DPYSL4: variants seen among roughly 807,000 people sequenced by gnomAD.
DPYSL4 encodes dihydropyrimidinase like 4.
Under a neutral mutation model 63.4 loss-of-function variants are expected in DPYSL4, and 43 were observed. That is an observed-to-expected ratio of 0.68 (90% CI 0.53 to 0.88). The LOEUF (loss-of-function observed/expected upper bound fraction) is 0.88, where lower values mean the gene tolerates loss of function less well. DPYSL4 is among the 40% of genes least tolerant of loss of function. The probability of loss-of-function intolerance (pLI) is 0.00; values close to 1 mark genes in which losing one functional copy is unlikely to be tolerated. For missense variants in DPYSL4, 733 were observed against 819.5 expected (o/e 0.89, Z 1.29); for synonymous variants, 353 against 331.7 (o/e 1.06, Z -0.70).
chr10:132,197,436 C>T (rs943994939), intron 6 of DPYSL4, among the ~76,000 whole-genome samples: 2 of 152,238 alleles, frequency 1.3e-5, no homozygotes, highest in Non-Finnish European at 1.5e-5. Context: ...GTTGGGTTAC[C>T]ACCTTCCTTC....
intron 6 of DPYSL4, among the ~76,000 whole-genome samples, chr10:132,197,844 A>C (rs1316004441): frequency 2.0e-5 from 3 of 152,204 alleles, no homozygotes; most frequent in African/African-American, 7.2e-5. Context: ...TCGGGGCATC[A>C]CAAACACTTC....
At position 132,198,425 on chromosome 10, in the gene DPYSL4, G is replaced by T. The variant is rs1203413158; in HGVS notation, c.632G>T (p.Arg211Leu). 2 of 1,606,468 alleles carry T rather than the reference G, an allele frequency of 1.2e-6. No homozygotes were observed. Among genetic ancestry groups the T allele is most frequent in the South Asian group, 1.1e-5 (1 of 89,420 alleles). Residue 211 changes from arginine to leucine, a missense_variant, in exon 7 of 14, where the codon CGG becomes CTG. Physicochemically the swap from Arg to Leu is moderately radical, Grantham distance 102. Transcript: ENST00000338492. ...TGTTGGTTTCTTTAGGAGCAGAAGCGGTTGCTGGAGCTCGGCATCACTGGC... is the reference window on the plus strand; with the variant it reads ...TGTTGGTTTCTTTAGGAGCAGAAGCTGTTGCTGGAGCTCGGCATCACTGGC... ...NGDIVEEEQK[R>L]LLELGITGPE...
chr10:132,187,127 GCGC>G, intron 1 of DPYSL4, 25 bp downstream of exon 1: 1 of 1,511,618 alleles, frequency 6.6e-7, no homozygotes, highest in South Asian at 1.2e-5. Flanking sequence ...GCTTCGCCCG[GCGC>G]CCCCTGCCCG....
chr10:132,191,758 A>C (rs550614282), intron 2 of DPYSL4, among the ~76,000 whole-genome samples: 7 of 95,262 alleles, frequency 7.3e-5, no homozygotes, highest in Non-Finnish European at 1.3e-4. Context: ...TCTTGTGTAC[A>C]CACTGGTCAC....
At chr10:132,203,324 C>T (rs555152685) in intron 12 of DPYSL4, among the ~76,000 whole-genome samples, 16 of 152,246 alleles carry the variant, frequency 1.1e-4, no homozygotes, top group African/African-American at 1.4e-4. Context: ...GGTGACGCCA[C>T]GCTTGCCCGG....
chr10:132,201,524 G>C (rs913786628), intron 10 of DPYSL4, among the ~76,000 whole-genome samples: 2 of 152,252 alleles, frequency 1.3e-5, no homozygotes, highest in Admixed American at 6.5e-5. Context: ...AATGCAGAAA[G>C]GCTTCGCCCA....
intron 4 of DPYSL4, among the ~76,000 whole-genome samples, chr10:132,196,512 A>C (rs968307519): frequency 1.3e-5 from 2 of 152,128 alleles, no homozygotes; most frequent in African/African-American, 2.4e-5. Flanking sequence ...GAGCCAGTGG[A>C]ACCCAGGCCG....
rs777674511 is a variant in DPYSL4 at position 132,198,803 on chromosome 10, G to A, written c.691-48G>A. 3.1e-6 allele frequency: 5 copies of A among 1,605,578 alleles called. No homozygotes were observed. The South Asian group carries it at 5.6e-5, about 18-fold the overall frequency. ...CATCCCCATTGCCCACACTGGTCTG[G>A]AGCCCCAGGGCCCTCGTGTGGCCTC... On this transcript the variant is annotated intron_variant, in intron 7 of 13. Coordinates refer to ENST00000338492, the MANE Select transcript of DPYSL4 (RefSeq NM_006426.3).
chr10:132,195,259 G>A (rs371198366), intron 4 of DPYSL4, among the ~76,000 whole-genome samples: 10 of 152,302 alleles, frequency 6.6e-5, no homozygotes, highest in African/African-American at 2.2e-4. Context: ...CAGCAGATCC[G>A]TCGTTTCTTA....
At chr10:132,197,694 A>G (rs918642599) in intron 6 of DPYSL4, among the ~76,000 whole-genome samples, 5 of 152,206 alleles carry the variant, frequency 3.3e-5, no homozygotes, top group African/African-American at 1.2e-4. Flanking sequence ...CCTCCCTGAC[A>G]CTGCAAACCC....
chr10:132,197,562 C>G (rs1476833918), intron 6 of DPYSL4, among the ~76,000 whole-genome samples: 2 of 152,230 alleles, frequency 1.3e-5, no homozygotes, highest in Admixed American at 6.5e-5. Flanking sequence ...GGGGCTGAGG[C>G]AACCTTGGCC....
rs2247705 is a variant in DPYSL4 at position 132,200,486 on chromosome 10, G to A, written c.942G>A (p.Ala314=). The A allele has an allele frequency of 0.84, 1,355,019 of 1,613,072 alleles. 569,835 individuals are homozygous for A. The highest frequency in any genetic ancestry group is 0.93 in the East Asian group (41,617 of 44,852). The change falls in exon 9 of 14, where the codon GCG becomes GCA. Residue 314 remains alanine, a synonymous_variant. Coordinates refer to ENST00000338492, the MANE Select transcript of DPYSL4 (RefSeq NM_006426.3). ...SPPVNPDPTT[A]DHLTCLLSSG... is the part of the protein sequence containing the mutation. ...CTGTCAACCCAGACCCCACCACGGC[G>A]GACCACCTCACCTGCTTGCTGTCCA...
At chr10:132,188,916 GCCAA>G (rs1364291517) in intron 1 of DPYSL4, among the ~76,000 whole-genome samples, 5 of 152,356 alleles carry the variant, frequency 3.3e-5, no homozygotes, top group Admixed American at 6.5e-5. Context: ...GGCATAGTCT[GCCAA>G]CCGTTTGTAG....
intron 2 of DPYSL4, chr10:132,192,375 C>T (rs530203563): frequency 1.1e-4 from 120 of 1,077,806 alleles, no homozygotes; most frequent in South Asian, 1.7e-4. Flanking sequence ...CAAGCTGCTC[C>T]GTCCTCTAGT....
chr10:132,197,135 CAG>C, intron 6 of DPYSL4, 34 bp downstream of exon 6: 2 of 1,458,028 alleles, frequency 1.4e-6, no homozygotes, highest in South Asian at 1.4e-5. Flanking sequence ...GGGGCAGGCA[CAG>C]GGGCTGCCGT....
chr10:132,203,283 C>G (rs924035685), intron 12 of DPYSL4, among the ~76,000 whole-genome samples: 11 of 151,942 alleles, frequency 7.2e-5, no homozygotes, highest in Non-Finnish European at 1.5e-4. Flanking sequence ...CACGGGAGCC[C>G]CCCCCCCATG....
At chr10:132,193,308 C>T (rs2061900942) in intron 3 of DPYSL4, among the ~76,000 whole-genome samples, 1 of 152,236 alleles carries the variant, frequency 6.6e-6, no homozygotes, top group African/African-American at 2.4e-5. Flanking sequence ...AAAAGCAATG[C>T]TCATTATTAT....
chr10:132,197,945 TG>T (rs750240798), intron 6 of DPYSL4, among the ~76,000 whole-genome samples: 1 of 152,170 alleles, frequency 6.6e-6, no homozygotes, highest in Non-Finnish European at 1.5e-5. Context: ...GCCTCAGTAT[TG>T]GGGCTGCTGC....
At position 132,204,842 on chromosome 10, in the gene DPYSL4, C is replaced by T. The variant is rs2062074022; in HGVS notation, c.1631C>T (p.Ser544Phe). 2 of 1,609,748 alleles carry T rather than the reference C, an allele frequency of 1.2e-6. No homozygotes were observed. Among genetic ancestry groups the T allele is most frequent in the African/African-American group, 2.7e-5 (2 of 74,770 alleles). ...LHQSGFSLSG[S>F]QADDHIARRT... Reference sequence around the variant, plus strand: ...CCCATCTGTGCCCTTTCTTCAGGGTCTCAGGCTGATGACCACATCGCCCGA... The same window carrying T: ...CCCATCTGTGCCCTTTCTTCAGGGTTTCAGGCTGATGACCACATCGCCCGA... The change falls in exon 14 of 14, where the codon TCT (serine) becomes TTT (phenylalanine). Residue 544 changes from serine to phenylalanine, a missense_variant. Ser to Phe is a radical substitution (Grantham distance 155). Transcript: ENST00000338492.
Sources: gnomAD v4.1 joint callset for allele counts (sites outside exome capture counted in the v4.1 genomes callset) on GRCh38, gnomAD v4.1.1 for gene constraint, MANE v1.5 for transcripts, NCBI Gene and HGNC (gene_info 2026-07-23, HGNC 2026-07-21) for gene names.